Variants in OR2C1 observed in about 807,000 individuals in gnomAD.
OR2C1 encodes olfactory receptor family 2 subfamily C member 1, also known as olfactory receptor 2C1.
For synonymous variants in OR2C1, 209 were observed against 167.3 expected (o/e 1.25, Z -1.92); for missense variants, 468 against 388.3 (o/e 1.21, Z -1.73).
At chr16:3,326,045 C>T in the OR2C1 span, among the ~76,000 whole-genome samples, 113 of 151,810 alleles carry the variant, frequency 7.4e-4, 1 homozygote, top group African/African-American at 2.6e-3. Flanking sequence ...ATTCTCCTGC[C>T]TCAGTCTCCT....
At chr16:3,349,808 A>C in the OR2C1 span, among the ~76,000 whole-genome samples, 5 of 151,882 alleles carry the variant, frequency 3.3e-5, no homozygotes, top group Admixed American at 3.3e-4. Context: ...AGGCAGAGGC[A>C]GGAGAATAGC....
chr16:3,326,143 C>A, the OR2C1 span, among the ~76,000 whole-genome samples: 2 of 151,884 alleles, frequency 1.3e-5, no homozygotes, highest in Non-Finnish European at 2.9e-5. Context: ...GTTTGTCAGG[C>A]TGGTCTTAAA....
the OR2C1 span, among the ~76,000 whole-genome samples, chr16:3,329,410 AGGG>A: frequency 6.6e-6 from 1 of 152,056 alleles, no homozygotes; most frequent in African/African-American, 2.4e-5. Context: ...AAGGCCAAAA[AGGG>A]GGAAAAACAT....
the OR2C1 span, among the ~76,000 whole-genome samples, chr16:3,345,978 T>G: frequency 2.0e-5 from 3 of 151,830 alleles, no homozygotes; most frequent in African/African-American, 4.8e-5. Flanking sequence ...GGACTATAGG[T>G]GTGCACCACC....
At chr16:3,345,113 A>G in the OR2C1 span, among the ~76,000 whole-genome samples, 1 of 152,082 alleles carries the variant, frequency 6.6e-6, no homozygotes, top group East Asian at 1.9e-4. Flanking sequence ...CATACACACA[A>G]CAACCTGGAC....
the OR2C1 span, among the ~76,000 whole-genome samples, chr16:3,325,931 T>C: frequency 4.2e-5 from 5 of 118,586 alleles, no homozygotes; most frequent in African/African-American, 2.0e-4. Flanking sequence ...AAGTGCATTC[T>C]TTTTTTTTTT....
chr16:3,331,199 C>A, the OR2C1 span, among the ~76,000 whole-genome samples: 1 of 152,180 alleles, frequency 6.6e-6, no homozygotes, highest in African/African-American at 2.4e-5. Flanking sequence ...TGAGAAGTGT[C>A]TGTTTATGTC....
chr16:3,357,701 A>C (rs566097186), downstream of OR2C1, among the ~76,000 whole-genome samples: 7 of 152,150 alleles, frequency 4.6e-5, no homozygotes, highest in South Asian at 1.5e-3. Flanking sequence ...GCAGTATACC[A>C]CTGGGTGCAG....
chr16:3,327,064 T>A, the OR2C1 span, among the ~76,000 whole-genome samples: 23 of 152,282 alleles, frequency 1.5e-4, no homozygotes, highest in East Asian at 4.4e-3. Context: ...ATAACTGATT[T>A]AAAATAATAT....
At chr16:3,353,030 A>G (rs1015159379), upstream of OR2C1, among the ~76,000 whole-genome samples, 11 of 151,732 alleles carry the variant, frequency 7.2e-5, no homozygotes, top group Admixed American at 1.3e-4. Flanking sequence ...GGCGTCAGCC[A>G]CTGCGCCCGG....
chr16:3,351,308 G>A (rs2030571676), upstream of OR2C1, among the ~76,000 whole-genome samples: 1 of 145,630 alleles, frequency 6.9e-6, no homozygotes, highest in Non-Finnish European at 1.5e-5. Flanking sequence ...GCTTACCACG[G>A]CCTCTGCCTC....
At chr16:3,354,610 A>C (rs536490853), upstream of OR2C1, among the ~76,000 whole-genome samples, 19 of 152,292 alleles carry the variant, frequency 1.2e-4, no homozygotes, top group African/African-American at 4.3e-4. Context: ...TTATTCCTCA[A>C]ACATCATCTT....
At chr16:3,326,516 T>C in the OR2C1 span, among the ~76,000 whole-genome samples, 5 of 152,164 alleles carry the variant, frequency 3.3e-5, no homozygotes, top group African/African-American at 7.2e-5. Context: ...AGCTTTACAC[T>C]TGGGGAGTGT....
the OR2C1 span, among the ~76,000 whole-genome samples, chr16:3,337,000 G>T: frequency 2.6e-5 from 4 of 151,516 alleles, no homozygotes; most frequent in Non-Finnish European, 5.9e-5. Flanking sequence ...GAGCCACTGC[G>T]CCTGGCCCAT....
chr16:3,356,693 C>A lies in OR2C1; in HGVS notation c.753C>A (p.Phe251Leu). Residue 251 changes from phenylalanine to leucine, a missense_variant, in exon 1 of 1, where the codon TTC becomes TTA. Coordinates refer to ENST00000304936, the MANE Select transcript of OR2C1 (RefSeq NM_012368.3). ...CLSHLLVVFL[F>L]YGSASYGYLL... is the part of the protein sequence containing the mutation. Reference sequence around the variant, plus strand: ...CCCATCTGCTGGTGGTGTTCCTCTTCTATGGCTCAGCCAGCTATGGGTATC... The same window carrying A: ...CCCATCTGCTGGTGGTGTTCCTCTTATATGGCTCAGCCAGCTATGGGTATC... 2 of 1,614,218 alleles carry A rather than the reference C, an allele frequency of 1.2e-6. No individual in the cohort carries two copies. Among genetic ancestry groups the A allele is most frequent in the Non-Finnish European group, 1.7e-6 (2 of 1,180,032 alleles).
chr16:3,351,556 T>A (rs1306086886), upstream of OR2C1, among the ~76,000 whole-genome samples: 5 of 152,324 alleles, frequency 3.3e-5, no homozygotes, highest in East Asian at 9.6e-4. Flanking sequence ...GTCTTGGCCA[T>A]ACTTCATAGG....
chr16:3,327,966 C>A, the OR2C1 span, among the ~76,000 whole-genome samples: 8 of 152,194 alleles, frequency 5.3e-5, no homozygotes, highest in Admixed American at 1.3e-4. Context: ...AGCATTTGAC[C>A]ATCCCATTTG....
chr16:3,334,026 G>T, the OR2C1 span, among the ~76,000 whole-genome samples: 2 of 152,056 alleles, frequency 1.3e-5, no homozygotes, highest in Admixed American at 1.3e-4. Flanking sequence ...AGGCTAGAGT[G>T]CAGTGGCACA....
At chr16:3,323,980 T>C in the OR2C1 span, 14 of 535,128 alleles carry the variant, frequency 2.6e-5, no homozygotes, top group Non-Finnish European at 4.6e-5. Flanking sequence ...AACCAATAGG[T>C]ATACTTCCAA....
Sources: gnomAD v4.1 joint callset for allele counts (sites outside exome capture counted in the v4.1 genomes callset) on GRCh38, gnomAD v4.1.1 for gene constraint, MANE v1.5 for transcripts, NCBI Gene and HGNC (gene_info 2026-07-23, HGNC 2026-07-21) for gene names.